Variants in PCDH15 observed in about 807,000 individuals in gnomAD.
PCDH15 encodes the protein protocadherin-15.
PCDH15 carries 129 observed loss-of-function variants against 178.5 expected under a neutral mutation model. That is an observed-to-expected ratio of 0.72 (90% CI 0.63 to 0.84). The LOEUF (loss-of-function observed/expected upper bound fraction) is 0.84. Ranked by LOEUF, PCDH15 falls within the 40% of genes least tolerant of loss-of-function variation. PCDH15 has a pLI of 0.00. For missense variants in PCDH15, 2,230 were observed against 2,099.9 expected, an observed-to-expected ratio of 1.06 and a Z score of -1.21; for synonymous variants, 800 against 732.0, an observed-to-expected ratio of 1.09 and a Z score of -1.50.
intron 37 of PCDH15, chr10:53,808,970 C>T (rs1401433490): frequency 6.4e-7 from 1 of 1,558,972 alleles, no homozygotes; most frequent in Non-Finnish European, 8.7e-7. Context: ...TCTGAGTGTT[C>T]TTCTTCTTCC....
chr10:54,277,340 C>G (rs2058407705), intron 8 of PCDH15, among the ~76,000 whole-genome samples: 1 of 151,410 alleles, frequency 6.6e-6, no homozygotes, highest in African/African-American at 2.4e-5. Flanking sequence ...GCAACTATAA[C>G]TAAAGCTGAA....
At chr10:54,257,713 C>T (rs1166807530) in intron 8 of PCDH15, among the ~76,000 whole-genome samples, 2 of 151,974 alleles carry the variant, frequency 1.3e-5, no homozygotes, top group Non-Finnish European at 2.9e-5. Flanking sequence ...TGTATGCATA[C>T]ACTTTCAGTA....
intron 8 of PCDH15, among the ~76,000 whole-genome samples, chr10:54,250,682 G>T (rs1429426995): frequency 2.6e-5 from 4 of 152,164 alleles, no homozygotes; most frequent in African/African-American, 9.7e-5. Flanking sequence ...AGCACACAAT[G>T]ACTTGAAATA....
At chr10:54,262,195 C>T (rs537803222) in intron 8 of PCDH15, among the ~76,000 whole-genome samples, 23 of 152,178 alleles carry the variant, frequency 1.5e-4, no homozygotes, top group South Asian at 4.2e-4. Context: ...CTTTGTTGTG[C>T]GGTGCAGCTG....
chr10:54,216,591 T>C (rs1260224873), intron 9 of PCDH15, among the ~76,000 whole-genome samples: 1 of 152,210 alleles, frequency 6.6e-6, no homozygotes, highest in Non-Finnish European at 1.5e-5. Flanking sequence ...AAATTATTCC[T>C]ACATTAAGAT....
chr10:54,396,560 A>G (rs1951253730), intron 3 of PCDH15, among the ~76,000 whole-genome samples: 1 of 152,066 alleles, frequency 6.6e-6, no homozygotes, highest in Admixed American at 6.6e-5. Context: ...TTGACAGAGA[A>G]CTCACATTTC....
At chr10:54,731,565 C>CAT (rs1943396861) in intron 1 of PCDH15, among the ~76,000 whole-genome samples, 1 of 36,638 alleles carries the variant, frequency 2.7e-5, no homozygotes, top group African/African-American at 8.5e-5. Flanking sequence ...TATATATATA[C>CAT]ACACACACAC....
chr10:54,405,524 G>C (rs1009490681), intron 3 of PCDH15, among the ~76,000 whole-genome samples: 1 of 151,872 alleles, frequency 6.6e-6, no homozygotes, highest in African/African-American at 2.4e-5. Context: ...AACACACTGA[G>C]GCCTATTGAA....
At chr10:54,044,752 C>T (rs1440303767) in intron 18 of PCDH15, among the ~76,000 whole-genome samples, 4 of 152,150 alleles carry the variant, frequency 2.6e-5, no homozygotes, top group Non-Finnish European at 5.9e-5. Context: ...AAGGCTATTG[C>T]TGGATTTATA....
intron 18 of PCDH15, among the ~76,000 whole-genome samples, chr10:54,062,773 G>GA (rs5785035): frequency 2.7e-5 from 4 of 149,826 alleles, no homozygotes; most frequent in East Asian, 2.0e-4. Flanking sequence ...GGAAAAGCGG[G>GA]AAAAAAAAAA....
chr10:54,045,828 A>C (rs528812073), intron 18 of PCDH15, among the ~76,000 whole-genome samples: 9 of 152,234 alleles, frequency 5.9e-5, no homozygotes, highest in African/African-American at 1.4e-4. Context: ...TTACAAAATG[A>C]TGGATAAATT....
chr10:54,299,056 A>G (rs944997152), intron 8 of PCDH15, among the ~76,000 whole-genome samples: 2 of 152,244 alleles, frequency 1.3e-5, no homozygotes, highest in African/African-American at 4.8e-5. Context: ...TGGCAGTCTT[A>G]TACTGCCGAA....
intron 2 of PCDH15, among the ~76,000 whole-genome samples, chr10:54,605,230 G>T (rs1471063330): frequency 1.3e-5 from 2 of 151,726 alleles, no homozygotes; most frequent in African/African-American, 4.8e-5. Context: ...TACCATTACC[G>T]ATGAGTTTTA....
At chr10:54,785,265 A>G (rs1473122937) in intron 1 of PCDH15, among the ~76,000 whole-genome samples, 1 of 151,970 alleles carries the variant, frequency 6.6e-6, no homozygotes, top group Non-Finnish European at 1.5e-5. Flanking sequence ...AGGAGCCTGG[A>G]GCCTGCCTCA....
chr10:55,415,274 GTT>G (rs1838451392), intron 2 of PCDH15, among the ~76,000 whole-genome samples: 1 of 151,542 alleles, frequency 6.6e-6, no homozygotes, highest in South Asian at 2.1e-4. Flanking sequence ...GTTGCAATAT[GTT>G]CTTTATATTT....
chr10:54,776,256 T>G lies in PCDH15; in HGVS notation c.-29+24669A>C, dbSNP rs185274988. On this transcript the variant is annotated intron_variant, in intron 1 of 37. Transcript: ENST00000644397. ...CATTGGGGTACAGATTTCTCTTCGATGTACTGATTAATTTTCCTTTGGATA... is the reference window on the plus strand; with the variant it reads ...CATTGGGGTACAGATTTCTCTTCGAGGTACTGATTAATTTTCCTTTGGATA... 9.8e-5 allele frequency among the ~76,000 whole-genome samples: 15 copies of G among 152,298 alleles called. No homozygotes were observed. The East Asian group carries it at 2.7e-3, about 27-fold the overall frequency.
intron 2 of PCDH15, among the ~76,000 whole-genome samples, chr10:55,014,903 G>T (rs989023568): frequency 1.2e-4 from 18 of 152,108 alleles, no homozygotes; most frequent in African/African-American, 4.1e-4. Context: ...CACAGTGTCA[G>T]ATAAAAATTT....
intron 2 of PCDH15, among the ~76,000 whole-genome samples, chr10:55,597,734 G>A (rs1215731811): frequency 6.6e-6 from 1 of 152,060 alleles, no homozygotes; most frequent in African/African-American, 2.4e-5. Context: ...GACTGCAAAT[G>A]ACCACTTCAG....
At chr10:54,792,023 A>G (rs1189379887) in intron 1 of PCDH15, among the ~76,000 whole-genome samples, 1 of 151,870 alleles carries the variant, frequency 6.6e-6, no homozygotes, top group Non-Finnish European at 1.5e-5. Flanking sequence ...TAGAAAGAAC[A>G]AGGTGAACTG....
Sources: gnomAD v4.1 joint callset for allele counts (sites outside exome capture counted in the v4.1 genomes callset) on GRCh38, gnomAD v4.1.1 for gene constraint, MANE v1.5 for transcripts, NCBI Gene and HGNC (gene_info 2026-07-23, HGNC 2026-07-21) for gene names.